Variants in PLA2G4E observed in about 807,000 individuals in gnomAD.
PLA2G4E encodes the protein cytosolic phospholipase A2 epsilon.
Under a neutral mutation model 109.1 loss-of-function variants are expected in PLA2G4E, and 84 were observed. The ratio of observed to expected loss-of-function variants is 0.77; its 90% CI spans 0.65 to 0.92. The LOEUF (loss-of-function observed/expected upper bound fraction) is 0.92. Among genes scored for constraint, PLA2G4E ranks in the 40% least tolerant of loss-of-function variants. The pLI, the probability that PLA2G4E is intolerant of heterozygous loss-of-function variation, is 0.00. For missense variants in PLA2G4E, 1,057 were observed against 1,076.6 expected (o/e 0.98, Z 0.25); for synonymous variants, 469 against 436.1 (o/e 1.08, Z -0.94).
At chr15:41,987,768 C>A (rs547921790) in intron 16 of PLA2G4E, among the ~76,000 whole-genome samples, 8 of 152,278 alleles carry the variant, frequency 5.3e-5, no homozygotes, top group Non-Finnish European at 1.0e-4. Flanking sequence ...GACACTGTAG[C>A]CCCAGCTGCC....
chr15:42,000,397 G>A, intron 7 of PLA2G4E, 115 bp from the exon 8 acceptor site: 2 of 999,584 alleles, frequency 2.0e-6, no homozygotes, highest in East Asian at 2.6e-5. Flanking sequence ...ATCACCTGGG[G>A]CACCAGTTCA....
chr15:41,992,739 C>T (rs367856600), exon 13 of PLA2G4E: 6 of 1,610,724 alleles, frequency 3.7e-6, no homozygotes, highest in African/African-American at 2.7e-5. Flanking sequence ...GCACCTACCT[C>T]GTCCCCCAGG....
In PLA2G4E at chr15:42,001,076, C is replaced by G. The variant is rs2068413270; in HGVS notation, c.673+81G>C. 4 of 1,416,086 alleles carry G rather than the reference C, an allele frequency of 2.8e-6. 1 individual carries two copies. The Admixed American group carries it at 6.8e-5, about 24-fold the overall frequency. 87.7% of individuals were successfully genotyped at this position (1,416,086 alleles called of 1,614,324 possible). ...CCCCTGAGCCCAGGGAAGCCCTGGA[C>G]TAGGTGGAGTCTGATGCTGATGGGA... On this transcript the variant is annotated intron_variant, in intron 7 of 19. Coordinates refer to ENST00000399518, the Ensembl canonical transcript of PLA2G4E.
rs374302023 is a variant in PLA2G4E at position 42,040,189 on chromosome 15, AACAC to A, written c.183+10328_183+10331del. On this transcript the variant is annotated intron_variant, in intron 1 of 19. Coordinates refer to ENST00000399518, the Ensembl canonical transcript of PLA2G4E. Reference sequence around the variant, plus strand: ...CCTCCATCATTCTACAAAACTTTAAAACACACACACACACGCACACACACACACC... The same window carrying A: ...CCTCCATCATTCTACAAAACTTTAAAACACACACACGCACACACACACACC... 3.3e-5 allele frequency among the ~76,000 whole-genome samples: 5 copies of A among 151,436 alleles called. No homozygotes were observed. The East Asian group carries it at 7.8e-4, about 23-fold the overall frequency.
rs374291091 is a variant in PLA2G4E, at chr15:41,985,147, T to G, written c.2203-528A>C. On this transcript the variant is annotated intron_variant, in intron 18 of 19. Transcript: ENST00000399518. ...AAGCAAGTCTCTCTGTGTCTTGGTT[T>G]CCTCATCCATAACATGAGAAATGAT... is the stretch of plus-strand genomic sequence containing the variant. Among the ~76,000 whole-genome samples the G allele has an allele frequency of 2.0e-5, 3 of 152,198 alleles. No homozygotes were observed. In the East Asian group the frequency reaches 5.8e-4, roughly 29 times the overall value.
At chr15:42,006,364 G>A (rs2068477062) in intron 3 of PLA2G4E, among the ~76,000 whole-genome samples, 1 of 152,206 alleles carries the variant, frequency 6.6e-6, no homozygotes, top group South Asian at 2.1e-4. Context: ...TCCTGCTAGA[G>A]AATTTTGCCT....
At chr15:41,991,942 G>A (rs1186951866) in intron 13 of PLA2G4E, among the ~76,000 whole-genome samples, 7 of 152,158 alleles carry the variant, frequency 4.6e-5, no homozygotes, top group South Asian at 2.1e-4. Flanking sequence ...GTCCAGGATC[G>A]CAACACCCCT....
At chr15:41,988,878 G>C (rs576080702) in intron 15 of PLA2G4E, among the ~76,000 whole-genome samples, 1 of 152,324 alleles carries the variant, frequency 6.6e-6, no homozygotes, top group East Asian at 1.9e-4. Context: ...GGAAGGCACA[G>C]ACAACTAATT....
chr15:42,026,344 T>C (rs994678460), intron 1 of PLA2G4E, among the ~76,000 whole-genome samples: 2 of 152,162 alleles, frequency 1.3e-5, no homozygotes, highest in African/African-American at 2.4e-5. Flanking sequence ...ATGGGTGACA[T>C]GGCAAAAGTG....
At chr15:42,027,549 A>G (rs2068702888) in intron 1 of PLA2G4E, among the ~76,000 whole-genome samples, 1 of 152,168 alleles carries the variant, frequency 6.6e-6, no homozygotes, top group Non-Finnish European at 1.5e-5. Context: ...TTGCCTTCCT[A>G]TAAGCCACTC....
At chr15:41,987,460 C>T (rs1309900989) in intron 16 of PLA2G4E, 85 bp from the exon 17 acceptor site, 1 of 1,320,800 alleles carries the variant, frequency 7.6e-7, no homozygotes, top group Non-Finnish European at 1.1e-6. Context: ...GGTTGCCTGG[C>T]ACCCAGGGGT....
intron 1 of PLA2G4E, among the ~76,000 whole-genome samples, chr15:42,044,525 T>C (rs1050603520): frequency 1.0e-4 from 15 of 150,318 alleles, no homozygotes; most frequent in African/African-American, 3.7e-4. Flanking sequence ...CGAAGGGTAT[T>C]AAGCAAGGAC....
intron 15 of PLA2G4E, among the ~76,000 whole-genome samples, chr15:41,988,932 A>G (rs541609362): frequency 3.5e-4 from 54 of 152,296 alleles, no homozygotes; most frequent in African/African-American, 1.1e-3. Context: ...TCTGTTTCTG[A>G]AGAAGCCCTT....
intron 1 of PLA2G4E, among the ~76,000 whole-genome samples, chr15:42,036,207 C>G (rs890281757): frequency 2.6e-5 from 4 of 152,160 alleles, no homozygotes; most frequent in Admixed American, 6.5e-5. Context: ...GGGAGGAGGC[C>G]GACAGCCTCC....
At chr15:42,034,852 G>C (rs149130790) in intron 1 of PLA2G4E, among the ~76,000 whole-genome samples, 2 of 152,310 alleles carry the variant, frequency 1.3e-5, no homozygotes, top group East Asian at 3.8e-4. Flanking sequence ...ATGCCCCTTG[G>C]ACTTCCCAGT....
intron 1 of PLA2G4E, among the ~76,000 whole-genome samples, chr15:42,018,565 AG>A (rs1828996019): frequency 1.3e-5 from 2 of 152,158 alleles, no homozygotes; most frequent in Non-Finnish European, 2.9e-5. Flanking sequence ...TTGGAGCTCA[AG>A]GCAGGAACTG....
At position 41,996,350 on chromosome 15, in the gene PLA2G4E, G is replaced by GAAAAAAAAAA. The variant is rs34559872; in HGVS notation, c.1110+764_1110+773dup. 2.5e-3 allele frequency among the ~76,000 whole-genome samples: 185 copies of GAAAAAAAAAA among 75,088 alleles called. 8 individuals carry two copies. Among genetic ancestry groups the GAAAAAAAAAA allele is most frequent in the African/African-American group, 6.5e-3 (117 of 17,960 alleles). The allele number at this position is 75,088 out of a possible 152,430, so 49.3% of individuals were successfully genotyped here. A position where few individuals can be genotyped will look rare whatever the true frequency, so the allele number is the denominator to read the frequency against. ...GTGACAGAGCAAGACCCTGTCTCAA[G>GAAAAAAAAAA]AAAAAAAAAAAAAAAAAAAAAAAAA... On this transcript the variant is annotated intron_variant, in intron 11 of 19. Coordinates refer to ENST00000399518, the Ensembl canonical transcript of PLA2G4E.
chr15:41,987,450 G>A (rs2068161500), intron 16 of PLA2G4E, 75 bp from the exon 17 acceptor site: 3 of 1,426,286 alleles, frequency 2.1e-6, no homozygotes, highest in South Asian at 1.2e-5. Context: ...AGCCCCACAT[G>A]GTTGCCTGGC....
At chr15:41,992,827 C>T (rs1158667871) in exon 13 of PLA2G4E, 2 of 1,613,978 alleles carry the variant, frequency 1.2e-6, no homozygotes, top group Non-Finnish European at 8.5e-7. Flanking sequence ...GGAGCTCCTC[C>T]TGGAATTTGC....
Sources: allele counts gnomAD v4.1 joint callset (sites outside exome capture counted in the v4.1 genomes callset), GRCh38; gene constraint gnomAD v4.1.1; transcripts MANE v1.5; gene names NCBI Gene and HGNC (gene_info 2026-07-23, HGNC 2026-07-21).